PCDH15: variants seen among roughly 807,000 people sequenced by gnomAD.
PCDH15 encodes the protein protocadherin related 15.
In PCDH15, 129 loss-of-function variants were observed where a neutral mutation model predicts 178.5. The observed-to-expected ratio is 0.72, with a 90% CI of 0.63 to 0.84. The LOEUF (loss-of-function observed/expected upper bound fraction) is 0.84, where lower values mean the gene tolerates loss of function less well. Ranked by LOEUF, PCDH15 falls within the 40% of genes least tolerant of loss-of-function variation. The pLI, the probability that PCDH15 is intolerant of heterozygous loss-of-function variation, is 0.00. For synonymous variants in PCDH15, 800 were observed against 732.0 expected, an observed-to-expected ratio of 1.09 and a Z score of -1.50; for missense variants, 2,230 against 2,099.9, an observed-to-expected ratio of 1.06 and a Z score of -1.21.
chr10:54,636,053 G>A (rs954215330), intron 2 of PCDH15, among the ~76,000 whole-genome samples: 1 of 151,742 alleles, frequency 6.6e-6, no homozygotes, highest in Non-Finnish European at 1.5e-5. Context: ...AGTAAGTAAC[G>A]TTAATAATTG....
chr10:54,600,172 G>T, intron 2 of PCDH15: 1 of 672,942 alleles, frequency 1.5e-6, no homozygotes. Flanking sequence ...AGCCATGGAG[G>T]AGGCAGTCAC....
At chr10:54,759,090 A>G (rs553868332) in intron 1 of PCDH15, among the ~76,000 whole-genome samples, 1 of 150,802 alleles carries the variant, frequency 6.6e-6, no homozygotes, top group South Asian at 2.1e-4. Context: ...CCATCTTACT[A>G]CTTCTCAGCA....
intron 2 of PCDH15, among the ~76,000 whole-genome samples, chr10:55,598,898 C>A (rs1461752903): frequency 6.6e-6 from 1 of 152,048 alleles, no homozygotes; most frequent in African/African-American, 2.4e-5. Flanking sequence ...AAGCACTCGG[C>A]TTACACCCGG....
chr10:54,382,363 G>T lies in PCDH15; in HGVS notation c.158-3421C>A, dbSNP rs917419739. ...AGGAGTTCATGTAACTGCTAATATA[G>T]ACTCTATTTGTACAGAATAAATGTT... On this transcript the variant is annotated intron_variant, in intron 3 of 37. Coordinates refer to ENST00000644397, the MANE Select transcript of PCDH15 (RefSeq NM_001384140.1). 3.9e-5 allele frequency among the ~76,000 whole-genome samples: 6 copies of T among 152,162 alleles called. 1 individual carries two copies. The South Asian group carries it at 8.3e-4, about 21-fold the overall frequency.
intron 8 of PCDH15, among the ~76,000 whole-genome samples, chr10:54,312,360 G>C (rs962712716): frequency 3.3e-5 from 5 of 151,968 alleles, no homozygotes. Context: ...TACTAAGGAT[G>C]ATTTTATTTT....
chr10:54,106,043 T>C (rs761134257), intron 15 of PCDH15, among the ~76,000 whole-genome samples: 2 of 152,096 alleles, frequency 1.3e-5, no homozygotes, highest in Non-Finnish European at 2.9e-5. Flanking sequence ...AGATCACACA[T>C]TGCATGATTA....
Position 55,529,003 on chromosome 10 carries a change from T to A in PCDH15, c.-156+98622A>T, listed in dbSNP as rs192390067. 3.7e-4 allele frequency among the ~76,000 whole-genome samples: 56 copies of A among 152,222 alleles called. No individual in the cohort carries two copies. The South Asian group carries it at 7.3e-3, about 20-fold the overall frequency. On this transcript the variant is annotated intron_variant, in intron 2 of 5. Coordinates refer to the PCDH15 transcript ENST00000613346. The stretch of plus-strand genomic sequence containing the variant: ...TGATGATGAGCATTTTTTCATGTGT[T>A]TTTTGGCTGCATAAATGTCTTCTTT...
chr10:54,199,203 T>A (rs969224809), intron 10 of PCDH15, among the ~76,000 whole-genome samples: 1 of 152,174 alleles, frequency 6.6e-6, no homozygotes, highest in Admixed American at 6.5e-5. Flanking sequence ...ACTATGTATT[T>A]TGTTCTATTT....
chr10:53,953,345 G>A (rs2087276184), intron 23 of PCDH15, among the ~76,000 whole-genome samples: 1 of 152,178 alleles, frequency 6.6e-6, no homozygotes, highest in Non-Finnish European at 1.5e-5. Context: ...AGATTGATGT[G>A]AAAAGGTCAA....
intron 2 of PCDH15, among the ~76,000 whole-genome samples, chr10:54,598,268 G>A (rs1490416863): frequency 1.3e-5 from 2 of 151,058 alleles, no homozygotes; most frequent in African/African-American, 4.9e-5. Context: ...ACTATATCAC[G>A]AATCCACCAC....
chr10:54,560,112 C>G (rs560916177), intron 2 of PCDH15, among the ~76,000 whole-genome samples: 14 of 152,144 alleles, frequency 9.2e-5, no homozygotes, highest in African/African-American at 3.1e-4. Flanking sequence ...GCTGATTCAT[C>G]ATGTGAACCT....
At chr10:54,174,033 T>A (rs16905666) in intron 13 of PCDH15, among the ~76,000 whole-genome samples, 2,122 of 152,218 alleles carry the variant, frequency 0.014, 49 homozygotes, top group African/African-American at 0.048. Flanking sequence ...TGAACGCTAA[T>A]CCAGTAATAC....
At position 54,378,904 on chromosome 10, in the gene PCDH15, C is replaced by A; in HGVS notation, c.196G>T (p.Ala66Ser). The change falls in exon 4 of 38, where the codon GCT becomes TCT. Residue 66 changes from alanine (A) to serine (S), a missense_variant. Transcript: ENST00000644397. Reference sequence around the variant, plus strand: ...TCTATGGTGGGGTCTGGTCCTCCAGCAGTCCCTTTGATCAGCATGTTGTCC... The same window carrying A: ...TCTATGGTGGGGTCTGGTCCTCCAGAAGTCCCTTTGATCAGCATGTTGTCC... ...LVDNMLIKGT[A>S]GGPDPTIELS... 1 of 1,613,796 alleles carries A rather than the reference C, an allele frequency of 6.2e-7. No homozygotes were observed. Among genetic ancestry groups the A allele is most frequent in the Non-Finnish European group, 8.5e-7 (1 of 1,179,798 alleles).
At chr10:53,958,611 A>G (rs559115163) in intron 23 of PCDH15, among the ~76,000 whole-genome samples, 1 of 152,300 alleles carries the variant, frequency 6.6e-6, no homozygotes, top group South Asian at 2.1e-4. Context: ...TAAGACCAGA[A>G]GAGACCCTGA....
At chr10:54,276,511 G>A (rs1407779988) in intron 8 of PCDH15, among the ~76,000 whole-genome samples, 3 of 151,638 alleles carry the variant, frequency 2.0e-5, no homozygotes, top group Non-Finnish European at 4.4e-5. Context: ...GTGAAAATGT[G>A]ATTTCATGAG....
chr10:54,786,260 C>G (rs1175775005), intron 1 of PCDH15, among the ~76,000 whole-genome samples: 1 of 151,906 alleles, frequency 6.6e-6, no homozygotes, highest in African/African-American at 2.4e-5. Flanking sequence ...GTTAAAGTCT[C>G]GAATGTAGCT....
chr10:55,041,691 C>T (rs866778395), intron 2 of PCDH15, among the ~76,000 whole-genome samples: 2 of 152,030 alleles, frequency 1.3e-5, no homozygotes, highest in Non-Finnish European at 2.9e-5. Context: ...ACTATTTTGT[C>T]TAATAACTTG....
Position 55,349,743 on chromosome 10 carries a change from C to T in PCDH15, c.-155-183092G>A, listed in dbSNP as rs990009202. ...ATAAAGATTTTTCATTTTCATTATC[C>T]TATTGTAAGATAAAGAGAGTCATGG... On this transcript the variant is annotated intron_variant, in intron 2 of 5. Coordinates refer to the PCDH15 transcript ENST00000613346. 2.0e-5 allele frequency among the ~76,000 whole-genome samples: 3 copies of T among 152,002 alleles called. No homozygotes were observed. In the East Asian group the frequency reaches 5.8e-4, roughly 29 times the overall value.
intron 2 of PCDH15, among the ~76,000 whole-genome samples, chr10:55,614,635 A>G (rs1843438552): frequency 6.6e-6 from 1 of 152,198 alleles, no homozygotes; most frequent in South Asian, 2.1e-4. Context: ...ACTATGATCT[A>G]AATTTAAATA....
Sources: allele counts gnomAD v4.1 joint callset (sites outside exome capture counted in the v4.1 genomes callset), GRCh38; gene constraint gnomAD v4.1.1; transcripts MANE v1.5; gene names NCBI Gene and HGNC (gene_info 2026-07-23, HGNC 2026-07-21).